MBNL1: variants seen among roughly 807,000 people sequenced by gnomAD.
MBNL1 encodes the protein muscleblind like splicing regulator 1, also known as muscleblind-like protein 1.
MBNL1 carries 8 observed loss-of-function variants against 42.2 expected under a neutral mutation model. That is an observed-to-expected ratio of 0.19 (90% confidence interval 0.11 to 0.34). The LOEUF (loss-of-function observed/expected upper bound fraction) is 0.34. Among genes scored for constraint, MBNL1 ranks in the 10% least tolerant of loss-of-function variants. The pLI is 1.00. For synonymous variants in MBNL1, 169 were observed against 173.9 expected, an observed-to-expected ratio of 0.97 and a Z score of 0.22; for missense variants, 309 against 495.3, an observed-to-expected ratio of 0.62 and a Z score of 3.57.
intron 2 of MBNL1, among the ~76,000 whole-genome samples, chr3:152,318,859 G>A (rs1368105201): frequency 6.6e-6 from 1 of 152,142 alleles, no homozygotes; most frequent in East Asian, 1.9e-4. Flanking sequence ...ACTGCAACCA[G>A]TTCAAATTGT....
At chr3:152,342,551 A>AAAACACACACACAC (rs1457119751) in intron 2 of MBNL1, among the ~76,000 whole-genome samples, 82 of 72,110 alleles carry the variant, frequency 1.1e-3, no homozygotes, top group African/African-American at 5.1e-3. Flanking sequence ...GAAACTAAAC[A>AAAACACACACACAC]AAACACACAC....
upstream of MBNL1, chr3:152,265,828 A>C (rs79980593): frequency 4.1e-3 from 624 of 152,298 alleles, 2 homozygotes; most frequent in African/African-American, 0.015. Context: ...ATACTCACTT[A>C]TGAACCTGTA....
At chr3:152,282,584 C>T (rs938152594) in intron 1 of MBNL1, among the ~76,000 whole-genome samples, 6 of 151,928 alleles carry the variant, frequency 3.9e-5, no homozygotes, top group African/African-American at 1.5e-4. Flanking sequence ...AAAATTTAGA[C>T]ATCTCTCAAT....
chr3:152,269,531 C>G (rs1235058383), intron 1 of MBNL1: 1 of 455,460 alleles, frequency 2.2e-6, no homozygotes, highest in Admixed American at 2.4e-5. Flanking sequence ...GCTGCCATCC[C>G]GCCCGGTTTT....
In MBNL1 at chr3:152,448,130, T is replaced by C. The variant is rs186488136; in HGVS notation, c.961+357T>C. Among the ~76,000 whole-genome samples, 1,179 of 152,322 alleles carry C rather than the reference T, an allele frequency of 7.7e-3. 10 individuals are homozygous for C. Among genetic ancestry groups the C allele is most frequent in the Non-Finnish European group, 0.012 (835 of 68,022 alleles). On this transcript the variant is annotated intron_variant, in intron 6 of 9. Coordinates refer to ENST00000324210, the MANE Select transcript of MBNL1 (RefSeq NM_021038.5). ...AGACCCCTTTGCCTTCATTATTCCA[T>C]AGAGTTAATTTAAATTATATAAAAC... is the stretch of plus-strand genomic sequence containing the variant.
Position 152,406,271 on chromosome 3 carries a change from A to G in MBNL1, c.175-8670A>G, listed in dbSNP as rs377748162. Among the ~76,000 whole-genome samples the G allele has an allele frequency of 3.9e-4, 59 of 152,328 alleles. No individual in the cohort carries two copies. In the South Asian group the frequency reaches 0.012, roughly 32 times the overall value. On this transcript the variant is annotated intron_variant, in intron 2 of 9. Transcript: ENST00000324210. The stretch of plus-strand genomic sequence containing the variant: ...GATAGAGGAGGCCATAGGTATGAAA[A>G]AAAAGTGAGACTTTCTTTTTACAGC...
At chr3:152,315,845 A>AACACACAC (rs147766235) in intron 2 of MBNL1, among the ~76,000 whole-genome samples, 1 of 142,864 alleles carries the variant, frequency 7.0e-6, no homozygotes. Flanking sequence ...AAAGCGTGTG[A>AACACACAC]ACACACACAC....
intron 2 of MBNL1, among the ~76,000 whole-genome samples, chr3:152,410,002 A>G (rs564051654): frequency 7.2e-5 from 11 of 152,188 alleles, no homozygotes; most frequent in African/African-American, 2.6e-4. Flanking sequence ...GCTTTCTCAT[A>G]TTTCTAACTT....
At chr3:152,361,309 G>C (rs1358199169) in intron 2 of MBNL1, among the ~76,000 whole-genome samples, 1 of 151,844 alleles carries the variant, frequency 6.6e-6, no homozygotes, top group Non-Finnish European at 1.5e-5. Flanking sequence ...CATCAGTGGA[G>C]TTCCCATGGT....
intron 2 of MBNL1, among the ~76,000 whole-genome samples, chr3:152,309,984 A>T (rs556458480): frequency 2.0e-5 from 3 of 152,354 alleles, no homozygotes; most frequent in African/African-American, 7.2e-5. Flanking sequence ...ATGTTCCAGT[A>T]GAACACAAAT....
intron 2 of MBNL1, among the ~76,000 whole-genome samples, chr3:152,363,181 ATTTTAT>A (rs1384538573): frequency 2.0e-5 from 3 of 152,110 alleles, no homozygotes; most frequent in Non-Finnish European, 4.4e-5. Context: ...TTGTTTTATA[ATTTTAT>A]TTTTATATGC....
At chr3:152,268,503 C>T (rs1221860761), upstream of MBNL1, 2 of 332,712 alleles carry the variant, frequency 6.0e-6, no homozygotes, top group Admixed American at 4.3e-5. Flanking sequence ...GTGCAAGGGC[C>T]TCTTTCAAAA....
chr3:152,420,491 C>T (rs952095841), intron 3 of MBNL1, among the ~76,000 whole-genome samples: 6 of 152,150 alleles, frequency 3.9e-5, no homozygotes, highest in Non-Finnish European at 8.8e-5. Context: ...TTGAGTGGAC[C>T]TCCAGCAAAC....
chr3:152,377,299 C>T (rs1162296602), intron 2 of MBNL1, among the ~76,000 whole-genome samples: 1 of 152,122 alleles, frequency 6.6e-6, no homozygotes, highest in African/African-American at 2.4e-5. Flanking sequence ...TTGAAACTAC[C>T]TACTGCTGTC....
At chr3:152,386,759 G>A (rs1252223020) in intron 2 of MBNL1, among the ~76,000 whole-genome samples, 1 of 150,468 alleles carries the variant, frequency 6.6e-6, no homozygotes, top group Non-Finnish European at 1.5e-5. Context: ...TACCTGGCAG[G>A]AAAAAAAAAG....
chr3:152,430,966 G>T (rs1237780798), intron 3 of MBNL1, among the ~76,000 whole-genome samples: 3 of 152,204 alleles, frequency 2.0e-5, no homozygotes, highest in Non-Finnish European at 4.4e-5. Context: ...AGTTGAAATG[G>T]TATAATCTAT....
intron 2 of MBNL1, among the ~76,000 whole-genome samples, chr3:152,300,592 T>C (rs1577386068): frequency 6.6e-6 from 1 of 152,232 alleles, no homozygotes; most frequent in East Asian, 1.9e-4. Context: ...TGTTTTTTTT[T>C]GCTAGGGCAG....
At chr3:152,320,897 C>T (rs992505763) in intron 2 of MBNL1, among the ~76,000 whole-genome samples, 4 of 152,028 alleles carry the variant, frequency 2.6e-5, no homozygotes, top group Admixed American at 6.6e-5. Flanking sequence ...TCTCTATACT[C>T]TAATTTTAGA....
At chr3:152,458,025 G>A in intron 8 of MBNL1, 1 of 825,824 alleles carries the variant, frequency 1.2e-6, no homozygotes, top group Non-Finnish European at 2.1e-6. Flanking sequence ...AGCAATGCTG[G>A]AAATAGCTGA....
Sources: gnomAD v4.1 joint callset for allele counts (sites outside exome capture counted in the v4.1 genomes callset) on GRCh38, gnomAD v4.1.1 for gene constraint, MANE v1.5 for transcripts, NCBI Gene and HGNC (gene_info 2026-07-23, HGNC 2026-07-21) for gene names.